Variants in FAT3 observed in about 807,000 individuals in gnomAD.
The protein encoded by FAT3 is FAT atypical cadherin 3, also known as protocadherin Fat 3.
A neutral mutation model predicts 310.2 loss-of-function variants in FAT3; 95 were observed. The observed-to-expected ratio is 0.31, with a 90% CI of 0.26 to 0.36. The LOEUF (loss-of-function observed/expected upper bound fraction) is 0.36. FAT3 is among the 10% of genes least tolerant of loss of function. The pLI is 1.00. For missense variants in FAT3, 5,408 were observed against 5,715.6 expected, an observed-to-expected ratio of 0.95 and a Z score of 1.74; for synonymous variants, 2,314 against 2,192.9, an observed-to-expected ratio of 1.06 and a Z score of -1.54.
intron 3 of FAT3, among the ~76,000 whole-genome samples, chr11:92,639,240 A>G (rs957612807): frequency 2.6e-5 from 4 of 152,170 alleles, no homozygotes; most frequent in East Asian, 1.9e-4. Context: ...GGGCTTCATC[A>G]TTAGTATCTG....
intron 2 of FAT3, among the ~76,000 whole-genome samples, chr11:92,478,901 C>A (rs137927329): frequency 4.3e-4 from 63 of 147,122 alleles, no homozygotes; most frequent in African/African-American, 1.6e-3. Flanking sequence ...CAGGCATGAG[C>A]TACTGCGCCT....
intron 2 of FAT3, among the ~76,000 whole-genome samples, chr11:92,426,144 C>A (rs937888954): frequency 6.6e-6 from 1 of 152,032 alleles, no homozygotes; most frequent in Admixed American, 6.6e-5. Flanking sequence ...GTGATGATGA[C>A]CTTTTTTTCA....
chr11:92,278,070 A>C (rs1021767316), intron 1 of FAT3, among the ~76,000 whole-genome samples: 5 of 152,108 alleles, frequency 3.3e-5, no homozygotes, highest in Non-Finnish European at 7.3e-5. Flanking sequence ...ATAGAGTCAG[A>C]CCCTGTGTCA....
At chr11:92,784,750 C>G (rs773171334) in intron 7 of FAT3, among the ~76,000 whole-genome samples, 1 of 152,124 alleles carries the variant, frequency 6.6e-6, no homozygotes, top group Non-Finnish European at 1.5e-5. Flanking sequence ...AGAAGGAAGT[C>G]TTTTACTGAG....
intron 1 of FAT3, among the ~76,000 whole-genome samples, chr11:92,289,044 G>T (rs1236957614): frequency 6.6e-6 from 1 of 152,088 alleles, no homozygotes; most frequent in African/African-American, 2.4e-5. Flanking sequence ...CTCACCATTG[G>T]CTGGGGGTCA....
chr11:92,564,934 G>A (rs1376452746), intron 3 of FAT3, among the ~76,000 whole-genome samples: 1 of 141,890 alleles, frequency 7.0e-6, no homozygotes, highest in Admixed American at 7.4e-5. Flanking sequence ...AGAGAAAGCA[G>A]GAAAGATCCA....
chr11:92,644,548 C>T lies in FAT3; in HGVS notation c.3608-52836C>T, dbSNP rs116832469. Among the ~76,000 whole-genome samples, 642 of 152,228 alleles carry T rather than the reference C, an allele frequency of 4.2e-3. 4 individuals are homozygous for T. The highest frequency in any genetic ancestry group is 0.015 in the African/African-American group (610 of 41,536). On this transcript the variant is annotated intron_variant, in intron 3 of 27. Transcript: ENST00000525166. ...AAATAAAATGTTCACTTCCTAACACCCCTTTTCACATACTTCTCACTGGAG... is the reference window on the plus strand; with the variant it reads ...AAATAAAATGTTCACTTCCTAACACTCCTTTTCACATACTTCTCACTGGAG...
intron 7 of FAT3, among the ~76,000 whole-genome samples, chr11:92,783,357 CA>C (rs35357267): frequency 9.0e-3 from 407 of 45,058 alleles, no homozygotes; most frequent in African/African-American, 0.035. Flanking sequence ...GACTCCATCT[CA>C]AAAAAAAAAA....
intron 3 of FAT3, among the ~76,000 whole-genome samples, chr11:92,597,534 C>A (rs2135577204): frequency 6.6e-6 from 1 of 152,278 alleles, no homozygotes; most frequent in Middle Eastern, 3.4e-3. Context: ...TCTCAGGCAG[C>A]TCTTCTTTGG....
chr11:92,402,122 T>A (rs370797766), intron 2 of FAT3, among the ~76,000 whole-genome samples: 9 of 152,096 alleles, frequency 5.9e-5, no homozygotes, highest in African/African-American at 2.2e-4. Context: ...ATATAGGTAA[T>A]GTAAGCTGAG....
Position 92,837,858 on chromosome 11 carries a change from C to T in FAT3, c.10368+52C>T. 5 of 1,608,446 alleles carry T rather than the reference C, an allele frequency of 3.1e-6. No homozygotes were observed. In the Admixed American group the frequency reaches 6.7e-5, roughly 21 times the overall value. The stretch of plus-strand genomic sequence containing the variant: ...TTGTCCCTTTGCATTCAGCTTTCTT[C>T]CTCTGCTGTGGTTTACTCATTGTGG... On this transcript the variant is annotated intron_variant, in intron 17 of 27. Coordinates refer to ENST00000525166, the MANE Select transcript of FAT3 (RefSeq NM_001367949.2).
intron 4 of FAT3, chr11:92,748,811 G>A (rs556668011): frequency 8.5e-5 from 13 of 152,276 alleles, no homozygotes; most frequent in South Asian, 2.1e-4. Flanking sequence ...CTTTTTCTCC[G>A]TGGGTGATAG....
intron 3 of FAT3, among the ~76,000 whole-genome samples, chr11:92,572,518 A>G (rs1388809077): frequency 6.6e-6 from 1 of 152,208 alleles, no homozygotes; most frequent in Non-Finnish European, 1.5e-5. Flanking sequence ...CCCATGCTTA[A>G]CAAAAACTGT....
At chr11:92,717,179 A>G (rs185506748) in intron 4 of FAT3, among the ~76,000 whole-genome samples, 1 of 152,312 alleles carries the variant, frequency 6.6e-6, no homozygotes, top group African/African-American at 2.4e-5. Flanking sequence ...CTTCACGTCA[A>G]AAAATCCTCC....
At chr11:92,467,532 C>T (rs554551596) in intron 2 of FAT3, among the ~76,000 whole-genome samples, 19 of 152,116 alleles carry the variant, frequency 1.2e-4, no homozygotes, top group African/African-American at 4.6e-4. Context: ...CTCAAATGCC[C>T]TTATCCTTGG....
At chr11:92,289,201 ATTTAGT>A (rs1338786061) in intron 1 of FAT3, among the ~76,000 whole-genome samples, 1 of 152,138 alleles carries the variant, frequency 6.6e-6, no homozygotes, top group East Asian at 1.9e-4. Context: ...CAGTTTAGAA[ATTTAGT>A]TTTTGAAGGG....
At chr11:92,446,744 C>A (rs1050511474) in intron 2 of FAT3, among the ~76,000 whole-genome samples, 5 of 152,208 alleles carry the variant, frequency 3.3e-5, no homozygotes, top group African/African-American at 1.2e-4. Context: ...CGTAATCCCA[C>A]CCTAATGGAA....
intron 4 of FAT3, among the ~76,000 whole-genome samples, chr11:92,729,471 G>A (rs1227325944): frequency 6.8e-6 from 1 of 146,654 alleles, no homozygotes; most frequent in Non-Finnish European, 1.5e-5. Context: ...CTGTCACCCA[G>A]GCTGGAGTGC....
intron 2 of FAT3, among the ~76,000 whole-genome samples, chr11:92,523,694 G>A (rs1290137237): frequency 6.6e-6 from 1 of 152,132 alleles, no homozygotes; most frequent in African/African-American, 2.4e-5. Flanking sequence ...TGAGCCTCCT[G>A]ACTACTTTTA....
Sources: gnomAD v4.1 joint callset for allele counts (sites outside exome capture counted in the v4.1 genomes callset) on GRCh38, gnomAD v4.1.1 for gene constraint, MANE v1.5 for transcripts, NCBI Gene and HGNC (gene_info 2026-07-23, HGNC 2026-07-21) for gene names.